The following ARHGAP32 variants were observed in gnomAD, a reference collection of about 807,000 sequenced individuals.
ARHGAP32 encodes the protein Rho GTPase activating protein 32, also known as rho GTPase-activating protein 32.
ARHGAP32 carries 51 observed loss-of-function variants against 186.5 expected under a neutral mutation model. The ratio of observed to expected loss-of-function variants is 0.27; its 90% CI spans 0.22 to 0.35. The LOEUF (loss-of-function observed/expected upper bound fraction) is 0.35. Among genes scored for constraint, ARHGAP32 ranks in the 10% least tolerant of loss-of-function variants. The pLI is 1.00. For missense variants in ARHGAP32, 2,186 were observed against 2,623.5 expected, an observed-to-expected ratio of 0.83 and a Z score of 3.64; for synonymous variants, 950 against 964.3, an observed-to-expected ratio of 0.99 and a Z score of 0.27.
chr11:129,145,579 A>G (rs751020660), intron 2 of ARHGAP32, among the ~76,000 whole-genome samples: 1 of 152,226 alleles, frequency 6.6e-6, no homozygotes, highest in African/African-American at 2.4e-5. Flanking sequence ...ACAACAAATC[A>G]TATCAGTAAA....
At chr11:128,976,745 C>A in intron 19 of ARHGAP32, 111 bp from the exon 20 acceptor site, 1 of 868,530 alleles carries the variant, frequency 1.2e-6, no homozygotes, top group Non-Finnish European at 1.9e-6. Flanking sequence ...ATTAGCTGTA[C>A]ATTTTGACAG....
intron 6 of ARHGAP32, among the ~76,000 whole-genome samples, chr11:129,086,545 G>A (rs1163247872): frequency 6.6e-6 from 1 of 151,860 alleles, no homozygotes; most frequent in East Asian, 1.9e-4. Context: ...CTGATGGCCG[G>A]GCATGGTGGC....
upstream of ARHGAP32, among the ~76,000 whole-genome samples, chr11:129,193,492 A>T (rs1944309106): frequency 1.0e-5 from 1 of 98,608 alleles, no homozygotes; most frequent in Non-Finnish European, 1.9e-5. Context: ...AAAAAAAAAA[A>T]AAAAAAAATA....
At chr11:129,195,378 G>A (rs1165476273), upstream of ARHGAP32, among the ~76,000 whole-genome samples, 1 of 152,136 alleles carries the variant, frequency 6.6e-6, no homozygotes, top group African/African-American at 2.4e-5. Context: ...CCTTTCAAAA[G>A]TGAAAACGTG....
chr11:129,042,557 C>G (rs1355277382), intron 10 of ARHGAP32, among the ~76,000 whole-genome samples: 1 of 151,322 alleles, frequency 6.6e-6, no homozygotes, highest in Non-Finnish European at 1.5e-5. Context: ...ATTTTTTTTT[C>G]TTACACAAGT....
chr11:128,997,240 T>G (rs1946225831), intron 12 of ARHGAP32, among the ~76,000 whole-genome samples: 1 of 152,184 alleles, frequency 6.6e-6, no homozygotes, highest in Non-Finnish European at 1.5e-5. Flanking sequence ...TGTTTTTGTT[T>G]TTTTAGGGAT....
In ARHGAP32 at chr11:129,119,089, T is replaced by C. The variant is rs142533738; in HGVS notation, c.444+4357A>G. 2.6e-5 allele frequency among the ~76,000 whole-genome samples: 4 copies of C among 152,134 alleles called. No homozygotes were observed. In the East Asian group the frequency reaches 7.7e-4, roughly 29 times the overall value. ...CCTCCCCCGTGCTGTTATATCTCTG[T>C]TCCTCTCCACCTTATCACAACCTCA... is the stretch of plus-strand genomic sequence containing the variant. On this transcript the variant is annotated intron_variant, in intron 5 of 22. Transcript: ENST00000682385.
chr11:128,997,249 A>T (rs1368226814), intron 12 of ARHGAP32, among the ~76,000 whole-genome samples: 1 of 151,746 alleles, frequency 6.6e-6, no homozygotes, highest in African/African-American at 2.4e-5. Context: ...TTTTTTAGGG[A>T]TCTGCATTAA....
intron 1 of ARHGAP32, among the ~76,000 whole-genome samples, chr11:129,221,102 A>G (rs533256025): frequency 1.4e-4 from 22 of 152,284 alleles, no homozygotes; most frequent in African/African-American, 5.1e-4. Flanking sequence ...AAAAAAATGA[A>G]AGAAATAATG....
chr11:129,125,953 G>A (rs905487654), intron 2 of ARHGAP32: 31 of 431,756 alleles, frequency 7.2e-5, no homozygotes, highest in African/African-American at 4.8e-4. Flanking sequence ...TCCATCTTGC[G>A]GCTACCACAC....
At chr11:129,022,653 A>G (rs1056681172) in intron 11 of ARHGAP32, among the ~76,000 whole-genome samples, 1 of 152,174 alleles carries the variant, frequency 6.6e-6, no homozygotes, top group African/African-American at 2.4e-5. Flanking sequence ...GTGTCAATCA[A>G]TAGGAGCTAT....
chr11:129,232,435 A>T (rs1481045959), intron 1 of ARHGAP32, among the ~76,000 whole-genome samples: 12 of 152,176 alleles, frequency 7.9e-5, no homozygotes, highest in Non-Finnish European at 1.2e-4. Context: ...ATATTTCCTT[A>T]AAAAATGAAG....
intron 6 of ARHGAP32, among the ~76,000 whole-genome samples, chr11:129,074,544 C>T (rs12575616): frequency 0.17 from 25,334 of 151,916 alleles, 2,542 homozygotes; most frequent in African/African-American, 0.28. Context: ...CCCAGGCTGG[C>T]GTGCAGTGGT....
At chr11:128,999,384 A>G (rs1946291033) in intron 11 of ARHGAP32, among the ~76,000 whole-genome samples, 1 of 152,204 alleles carries the variant, frequency 6.6e-6, no homozygotes, top group African/African-American at 2.4e-5. Flanking sequence ...AATGTTTATC[A>G]ATGACAATGC....
chr11:129,112,786 C>T (rs1469107103), intron 5 of ARHGAP32, among the ~76,000 whole-genome samples: 1 of 152,102 alleles, frequency 6.6e-6, no homozygotes, highest in East Asian at 1.9e-4. Context: ...AATCAAAATA[C>T]CAATCAAAAG....
intron 1 of ARHGAP32, among the ~76,000 whole-genome samples, chr11:129,237,254 C>T (rs184086869): frequency 6.6e-6 from 1 of 152,218 alleles, no homozygotes; most frequent in East Asian, 1.9e-4. Context: ...TTTGCCTACA[C>T]AGATCAAAAT....
chr11:129,064,745 C>A, intron 8 of ARHGAP32, 96 bp downstream of exon 8: 1 of 893,794 alleles, frequency 1.1e-6, no homozygotes, highest in Non-Finnish European at 1.7e-6. Context: ...TCTTTGATTC[C>A]TGAAGCTCAA....
At chr11:128,998,566 A>C in intron 11 of ARHGAP32, 98 bp from the exon 12 acceptor site, 2 of 835,896 alleles carry the variant, frequency 2.4e-6, no homozygotes, top group Non-Finnish European at 3.5e-6. Flanking sequence ...ACAGCAAAAT[A>C]ATCTATTATG....
At chr11:129,015,602 G>A (rs1403674582) in intron 11 of ARHGAP32, among the ~76,000 whole-genome samples, 2 of 152,026 alleles carry the variant, frequency 1.3e-5, no homozygotes, top group African/African-American at 4.8e-5. Context: ...TCCATGTAAC[G>A]ACATACTGTA....
Sources: gnomAD v4.1 joint callset for allele counts (sites outside exome capture counted in the v4.1 genomes callset) on GRCh38, gnomAD v4.1.1 for gene constraint, MANE v1.5 for transcripts, NCBI Gene and HGNC (gene_info 2026-07-23, HGNC 2026-07-21) for gene names.